The following NKAIN2 variants were observed in gnomAD, a reference collection of about 807,000 sequenced individuals.
The protein encoded by NKAIN2 is sodium/potassium transporting ATPase interacting 2.
In NKAIN2, 14 loss-of-function variants were observed where a neutral mutation model predicts 32.6. That is an observed-to-expected ratio of 0.43 (90% CI 0.28 to 0.67). The LOEUF is 0.67. Ranked by LOEUF, NKAIN2 falls within the 30% of genes least tolerant of loss-of-function variation. The pLI is 0.17. For synonymous variants in NKAIN2, 80 were observed against 87.2 expected, an observed-to-expected ratio of 0.92 and a Z score of 0.46; for missense variants, 198 against 258.3, an observed-to-expected ratio of 0.77 and a Z score of 1.60.
chr6:124,526,200 G>A (rs1253058548), intron 3 of NKAIN2, among the ~76,000 whole-genome samples: 1 of 152,100 alleles, frequency 6.6e-6, no homozygotes, highest in East Asian at 1.9e-4. Flanking sequence ...GAATAGAGGA[G>A]TGGTTCTAAG....
At chr6:124,155,810 G>A (rs1476283951) in intron 1 of NKAIN2, among the ~76,000 whole-genome samples, 1 of 151,910 alleles carries the variant, frequency 6.6e-6, no homozygotes, top group Non-Finnish European at 1.5e-5. Context: ...TGTTTTCAAG[G>A]GTACAAGGAA....
At chr6:124,693,435 T>A (rs1774354252) in intron 4 of NKAIN2, among the ~76,000 whole-genome samples, 1 of 152,192 alleles carries the variant, frequency 6.6e-6, no homozygotes, top group African/African-American at 2.4e-5. Context: ...TATGGATCCG[T>A]TTCTCAGAAC....
chr6:124,271,117 C>T (rs989199250), intron 1 of NKAIN2, among the ~76,000 whole-genome samples: 184 of 152,258 alleles, frequency 1.2e-3, no homozygotes, highest in African/African-American at 4.2e-3. Context: ...CTCTCTCCTG[C>T]CTCCATGTAA....
At chr6:124,620,351 G>A in intron 3 of NKAIN2, among the ~76,000 whole-genome samples, 1 of 152,066 alleles carries the variant, frequency 6.6e-6, no homozygotes, top group Non-Finnish European at 1.5e-5. Context: ...CATAGTTTAT[G>A]TATTGTGTAT....
rs114993492 is a variant in NKAIN2, at chr6:123,930,540, A to T, written c.54+126286A>T. Reference sequence around the variant, plus strand: ...CTGACAACTAGTGAGATGAAAAATCACCTTTAAATATGAAGTATGTATTTT... The same window carrying T: ...CTGACAACTAGTGAGATGAAAAATCTCCTTTAAATATGAAGTATGTATTTT... On this transcript the variant is annotated intron_variant, in intron 1 of 6. Coordinates refer to ENST00000368417, the MANE Select transcript of NKAIN2 (RefSeq NM_001040214.3). Among the ~76,000 whole-genome samples, 204 of 152,310 alleles carry T rather than the reference A, an allele frequency of 1.3e-3. 1 individual carries two copies. Among genetic ancestry groups the T allele is most frequent in the African/African-American group, 4.7e-3 (197 of 41,592 alleles).
At chr6:124,122,088 G>T (rs1785912557) in intron 1 of NKAIN2, 2 of 204,676 alleles carry the variant, frequency 9.8e-6, no homozygotes, top group Non-Finnish European at 2.0e-5. Flanking sequence ...TAAATAATAT[G>T]TATTTTTCTG....
intron 4 of NKAIN2, among the ~76,000 whole-genome samples, chr6:124,758,916 T>C (rs1202462277): frequency 6.6e-6 from 1 of 152,178 alleles, no homozygotes; most frequent in Non-Finnish European, 1.5e-5. Context: ...TCTTCTCCTC[T>C]CAAGGGCAGT....
rs557112780 is a variant in NKAIN2 at position 124,518,622 on chromosome 6, T to C, written c.274-139564T>C. On this transcript the variant is annotated intron_variant, in intron 3 of 6. Transcript: ENST00000368417. The stretch of plus-strand genomic sequence containing the variant: ...AGATAGTACCAAGCCATGATAGGTC[T>C]ACCCCCATGACTCAAACACTTCCCA... Among the ~76,000 whole-genome samples the C allele has an allele frequency of 1.1e-4, 16 of 152,234 alleles. No individual in the cohort carries two copies. In the East Asian group the frequency reaches 3.1e-3, roughly 30 times the overall value.
At chr6:124,118,303 G>T (rs1785713878) in intron 1 of NKAIN2, among the ~76,000 whole-genome samples, 1 of 151,974 alleles carries the variant, frequency 6.6e-6, no homozygotes, top group Admixed American at 6.6e-5. Context: ...GGAATAAAAA[G>T]GAAACAACAC....
chr6:124,708,701 T>A (rs1161974567), intron 4 of NKAIN2, among the ~76,000 whole-genome samples: 1 of 152,120 alleles, frequency 6.6e-6, no homozygotes, highest in Non-Finnish European at 1.5e-5. Context: ...ATCCTGAGAC[T>A]TTGCTGAAGT....
At chr6:124,516,481 G>A (rs976432434) in intron 3 of NKAIN2, among the ~76,000 whole-genome samples, 1 of 152,032 alleles carries the variant, frequency 6.6e-6, no homozygotes, top group South Asian at 2.1e-4. Context: ...GTTAATAGGT[G>A]TTTTTAGTTA....
At chr6:124,280,657 C>G (rs560516505) in intron 1 of NKAIN2, among the ~76,000 whole-genome samples, 5 of 152,248 alleles carry the variant, frequency 3.3e-5, no homozygotes, top group Admixed American at 6.5e-5. Flanking sequence ...AATATGTGCT[C>G]TCTCCATCCC....
intron 4 of NKAIN2, among the ~76,000 whole-genome samples, chr6:124,780,126 C>A (rs377088701): frequency 5.3e-5 from 8 of 152,216 alleles, no homozygotes; most frequent in African/African-American, 1.9e-4. Context: ...CAAGACCCAG[C>A]AAAAGTATTC....
At chr6:124,510,127 T>C (rs1230326845) in intron 3 of NKAIN2, among the ~76,000 whole-genome samples, 1 of 149,368 alleles carries the variant, frequency 6.7e-6, no homozygotes, top group African/African-American at 2.4e-5. Context: ...TTTTTGAAAT[T>C]TAATAAAATC....
In NKAIN2 at chr6:124,823,557, G is replaced by A. The variant is rs938435232; in HGVS notation, c.*328G>A. 3.1e-5 allele frequency: 9 copies of A among 288,880 alleles called. No individual in the cohort carries two copies. The highest frequency in any genetic ancestry group is 1.4e-4 in the South Asian group (2 of 13,910). 17.9% of individuals were successfully genotyped at this position (288,880 alleles called of 1,614,324 possible). On this transcript the variant is annotated 3_prime_UTR_variant, in exon 7 of 7. Coordinates refer to ENST00000368417, the MANE Select transcript of NKAIN2 (RefSeq NM_001040214.3). ...GATGTGTTGATGCCCAACGGTTGCC[G>A]GCCATTGCTAACTCCTCTGCAGCCC...
chr6:124,795,058 A>T (rs753311703), intron 5 of NKAIN2, among the ~76,000 whole-genome samples: 7 of 152,180 alleles, frequency 4.6e-5, no homozygotes, highest in Non-Finnish European at 8.8e-5. Context: ...ATTTTTGCCC[A>T]CTGTGGATTT....
intron 2 of NKAIN2, among the ~76,000 whole-genome samples, chr6:124,305,561 C>G (rs991739160): frequency 6.6e-6 from 1 of 151,996 alleles, no homozygotes; most frequent in African/African-American, 2.4e-5. Context: ...GAATAAGACA[C>G]CCAAATGGAG....
rs1583696812 is a variant in NKAIN2 at position 124,711,395 on chromosome 6, A to T, written c.474+53009A>T. The stretch of plus-strand genomic sequence containing the variant: ...TGCTAGATTGGGGAAGTTCTCCTGG[A>T]TAATATCCTGCAGAGTGTTTTCTAA... On this transcript the variant is annotated intron_variant, in intron 4 of 6. Transcript: ENST00000368417. Among the ~76,000 whole-genome samples the T allele has an allele frequency of 4.5e-5, 6 of 133,790 alleles. No homozygotes were observed. In the South Asian group the frequency reaches 1.6e-3, roughly 36 times the overall value. 87.8% of individuals were successfully genotyped at this position (133,790 alleles called of 152,430 possible). A position where few individuals can be genotyped will look rare whatever the true frequency, so the allele number is the denominator to read the frequency against.
At chr6:124,366,371 A>G (rs771712534) in intron 3 of NKAIN2, among the ~76,000 whole-genome samples, 2 of 152,160 alleles carry the variant, frequency 1.3e-5, no homozygotes, top group Non-Finnish European at 2.9e-5. Flanking sequence ...TTTGGAGACC[A>G]CAACTTGAAA....
Sources: gnomAD v4.1 joint callset for allele counts (sites outside exome capture counted in the v4.1 genomes callset) on GRCh38, gnomAD v4.1.1 for gene constraint, MANE v1.5 for transcripts, NCBI Gene and HGNC (gene_info 2026-07-23, HGNC 2026-07-21) for gene names.